PREP: variants seen among roughly 807,000 people sequenced by gnomAD.
PREP encodes prolyl endopeptidase, also known as dJ355L5.1 (prolyl endopeptidase).
A neutral mutation model predicts 87.6 loss-of-function variants in PREP; 29 were observed. The ratio of observed to expected loss-of-function variants is 0.33; its 90% CI spans 0.25 to 0.45. The LOEUF (loss-of-function observed/expected upper bound fraction) is 0.45. Among genes scored for constraint, PREP ranks in the 20% least tolerant of loss-of-function variants. The pLI is 1.00. For synonymous variants in PREP, 337 were observed against 328.6 expected, an observed-to-expected ratio of 1.03 and a Z score of -0.28; for missense variants, 695 against 886.5, an observed-to-expected ratio of 0.78 and a Z score of 2.74.
chr6:105,319,211 G>A (rs1036831247), intron 10 of PREP, among the ~76,000 whole-genome samples: 10 of 152,166 alleles, frequency 6.6e-5, no homozygotes, highest in African/African-American at 2.4e-4. Flanking sequence ...TTAAGTATAA[G>A]AGAACAACAG....
intron 10 of PREP, among the ~76,000 whole-genome samples, chr6:105,304,164 A>C (rs1770606040): frequency 6.6e-6 from 1 of 152,246 alleles, no homozygotes; most frequent in Non-Finnish European, 1.5e-5. Flanking sequence ...TTTAAAGAAC[A>C]GGAGAGTATA....
In PREP at chr6:105,323,194, T is replaced by C. The variant is rs1583055048; in HGVS notation, c.1317+471A>G. On this transcript the variant is annotated intron_variant, in intron 10 of 14. Coordinates refer to ENST00000652536, the MANE Select transcript of PREP (RefSeq NM_002726.5). ...TTGTGGTGACATGACAATTAATTAA[T>C]TTATTCATTCAAATGTTTTATTGAG... is the stretch of plus-strand genomic sequence containing the variant. 9 of 1,116,384 alleles carry C rather than the reference T, an allele frequency of 8.1e-6. No homozygotes were observed. The East Asian group carries it at 2.3e-4, about 29-fold the overall frequency. The allele number at this position is 1,116,384 out of a possible 1,614,324, so 69.2% of individuals were successfully genotyped here.
chr6:105,341,563 C>T (rs1295879743), intron 7 of PREP, among the ~76,000 whole-genome samples: 1 of 152,040 alleles, frequency 6.6e-6, no homozygotes, highest in Non-Finnish European at 1.5e-5. Context: ...GAGATAGAGA[C>T]ACAAAAAACC....
intron 10 of PREP, among the ~76,000 whole-genome samples, chr6:105,299,153 T>C (rs1198163946): frequency 6.6e-6 from 1 of 152,226 alleles, no homozygotes; most frequent in African/African-American, 2.4e-5. Flanking sequence ...GTGTCAGTTC[T>C]TTCTCAGCCC....
In PREP at chr6:105,402,974, G is replaced by C. The variant is rs1174848221; in HGVS notation, c.-83C>G. 4 of 710,218 alleles carry C rather than the reference G, an allele frequency of 5.6e-6. No homozygotes were observed. In the East Asian group the frequency reaches 1.5e-4, roughly 27 times the overall value. 44.0% of individuals were successfully genotyped at this position (710,218 alleles called of 1,614,324 possible). The stretch of plus-strand genomic sequence containing the variant: ...GCTAGCCGGGCTGGCCGCGAGGCGC[G>C]GCTGGGGCGCAGGCAGCTGCGGGGC... On this transcript the variant is annotated 5_prime_UTR_variant, in exon 1 of 15. Coordinates refer to ENST00000652536, the MANE Select transcript of PREP (RefSeq NM_002726.5).
intron 6 of PREP, among the ~76,000 whole-genome samples, chr6:105,360,667 T>C (rs1338166618): frequency 6.6e-6 from 1 of 152,246 alleles, no homozygotes; most frequent in East Asian, 1.9e-4. Flanking sequence ...TAGGTTCACA[T>C]GTACTTGTCT....
chr6:105,323,710 C>T lies in PREP; in HGVS notation c.1272G>A (p.Glu424=). 6.2e-7 allele frequency: 1 copy of T among 1,613,742 alleles called. No individual in the cohort carries two copies. Among genetic ancestry groups the T allele is most frequent in the South Asian group, 1.1e-5 (1 of 91,080 alleles). The part of the protein sequence containing the change: ...KEELEPRVFR[E]VTVKGIDASD... ...AAGCATCAATTCCTTTTACGGTCACCTCTCGGAAAACTCTTGGCTCCAGCT... is the reference window on the plus strand; with the variant it reads ...AAGCATCAATTCCTTTTACGGTCACTTCTCGGAAAACTCTTGGCTCCAGCT... The change falls in exon 10 of 15, where the codon GAG becomes GAA. Residue 424 remains glutamate (E), a synonymous_variant. Transcript: ENST00000652536.
chr6:105,343,783 C>A (rs1368688007), intron 7 of PREP, among the ~76,000 whole-genome samples: 4 of 152,204 alleles, frequency 2.6e-5, no homozygotes, highest in Admixed American at 6.5e-5. Flanking sequence ...CTCATCATCA[C>A]TGGCCATCAG....
chr6:105,375,983 C>T (rs747196934), intron 4 of PREP, 142 bp downstream of exon 4: 8 of 968,230 alleles, frequency 8.3e-6, no homozygotes, highest in Non-Finnish European at 1.0e-5. Context: ...CAAAAATTAG[C>T]TTTCCTGATA....
At position 105,306,430 on chromosome 6, in the gene PREP, AC is replaced by A. The variant is rs375617174; in HGVS notation, c.1317+17234del. ...GCACACATGTCCTGGGCTGTAAGGA[AC>A]CCCTTCATTCATGAGAAGCAGAGTT... is the stretch of plus-strand genomic sequence containing the variant. On this transcript the variant is annotated intron_variant, in intron 10 of 14. Transcript: ENST00000652536. Among the ~76,000 whole-genome samples, 314 of 151,938 alleles carry A rather than the reference AC, an allele frequency of 2.1e-3. 2 individuals are homozygous for A. Among genetic ancestry groups the A allele is most frequent in the Middle Eastern group, 3.4e-3 (1 of 294 alleles).
chr6:105,308,608 T>C (rs918902687), intron 10 of PREP, among the ~76,000 whole-genome samples: 1 of 151,894 alleles, frequency 6.6e-6, no homozygotes, highest in Admixed American at 6.6e-5. Flanking sequence ...CCATTTCTAG[T>C]GGACAAATTA....
chr6:105,303,451 T>C (rs142055370), intron 10 of PREP, among the ~76,000 whole-genome samples: 44 of 152,234 alleles, frequency 2.9e-4, no homozygotes, highest in East Asian at 2.1e-3. Context: ...TCTAGTGATA[T>C]TGCTGTTTCG....
At chr6:105,293,260 C>A (rs927802859) in intron 10 of PREP, among the ~76,000 whole-genome samples, 5 of 152,126 alleles carry the variant, frequency 3.3e-5, no homozygotes, top group African/African-American at 1.2e-4. Context: ...TGCATTTTAA[C>A]ATTTAGAAGC....
intron 2 of PREP, among the ~76,000 whole-genome samples, chr6:105,382,270 A>AACACACACACACACAC (rs146759488): frequency 9.5e-4 from 136 of 143,114 alleles, no homozygotes; most frequent in Middle Eastern, 3.6e-3. Flanking sequence ...AAGCGTTCTC[A>AACACACACACACACAC]ACACACACAC....
At chr6:105,303,496 T>C (rs1770588913) in intron 10 of PREP, among the ~76,000 whole-genome samples, 1 of 152,240 alleles carries the variant, frequency 6.6e-6, no homozygotes, top group South Asian at 2.1e-4. Flanking sequence ...GTCACATGCC[T>C]TTCTAAACCA....
At chr6:105,364,968 A>G (rs1340431070) in intron 6 of PREP, among the ~76,000 whole-genome samples, 1 of 152,252 alleles carries the variant, frequency 6.6e-6, no homozygotes, top group Non-Finnish European at 1.5e-5. Flanking sequence ...AGAGGACTAC[A>G]GCTGGGCACA....
intron 7 of PREP, among the ~76,000 whole-genome samples, chr6:105,341,044 T>G (rs553526545): frequency 1.3e-5 from 2 of 152,218 alleles, no homozygotes; most frequent in Non-Finnish European, 2.9e-5. Flanking sequence ...ACAGACCTAA[T>G]AGACATCTAC....
intron 2 of PREP, among the ~76,000 whole-genome samples, chr6:105,379,756 C>A (rs764998410): frequency 2.2e-4 from 33 of 152,174 alleles, no homozygotes; most frequent in Non-Finnish European, 4.0e-4. Context: ...TGTGTGTTTA[C>A]ACTGATCGTG....
At chr6:105,284,232 C>G (rs776773823) in intron 12 of PREP, among the ~76,000 whole-genome samples, 5 of 152,134 alleles carry the variant, frequency 3.3e-5, no homozygotes. Context: ...GGGATGATAA[C>G]TGGCAACGAT....
Sources: gnomAD v4.1 joint callset for allele counts (sites outside exome capture counted in the v4.1 genomes callset) on GRCh38, gnomAD v4.1.1 for gene constraint, MANE v1.5 for transcripts, NCBI Gene and HGNC (gene_info 2026-07-23, HGNC 2026-07-21) for gene names.